BBS9: variants seen among roughly 807,000 people sequenced by gnomAD.
BBS9 encodes the protein Bardet-Biedl syndrome 9.
Under a neutral mutation model 117.7 loss-of-function variants are expected in BBS9, and 89 were observed. The ratio of observed to expected loss-of-function variants is 0.76; its 90% CI spans 0.64 to 0.90. The LOEUF is 0.90. Among genes scored for constraint, BBS9 ranks in the 40% least tolerant of loss-of-function variants. The probability of loss-of-function intolerance (pLI) is 0.00; values close to 1 mark genes in which losing one functional copy is unlikely to be tolerated. For synonymous variants in BBS9, 379 were observed against 370.9 expected (o/e 1.02, Z -0.25); for missense variants, 982 against 1,042.2 (o/e 0.94, Z 0.80).
intron 4 of BBS9, among the ~76,000 whole-genome samples, 189 bp downstream of exon 4, chr7:33,155,891 G>C (rs1352868881): frequency 2.0e-5 from 3 of 151,946 alleles, no homozygotes. Flanking sequence ...ACATTTTCAT[G>C]GTCTACTATT....
intron 9 of BBS9, among the ~76,000 whole-genome samples, chr7:33,291,612 T>C (rs1804062593): frequency 6.6e-6 from 1 of 152,116 alleles, no homozygotes; most frequent in East Asian, 1.9e-4. Flanking sequence ...GAACCTTGAG[T>C]TTTGGGAAAT....
intron 21 of BBS9, among the ~76,000 whole-genome samples, chr7:33,549,305 A>T (rs2129087263): frequency 7.6e-6 from 1 of 132,182 alleles, no homozygotes; most frequent in East Asian, 2.1e-4. Flanking sequence ...TAAACGTTAG[A>T]CCTAAAACCA....
chr7:33,477,350 T>C (rs916519106), intron 19 of BBS9, among the ~76,000 whole-genome samples: 4 of 152,230 alleles, frequency 2.6e-5, no homozygotes, highest in Admixed American at 6.5e-5. Flanking sequence ...CTATAGGAAA[T>C]AAGGGTGAAA....
chr7:33,276,742 G>A (rs1800850519), intron 9 of BBS9: 1 of 152,294 alleles, frequency 6.6e-6, no homozygotes, highest in Non-Finnish European at 1.5e-5. Flanking sequence ...TCCTGGGTAT[G>A]TGAATGAAAA....
chr7:33,445,139 C>T (rs1333164703), intron 19 of BBS9, among the ~76,000 whole-genome samples: 1 of 152,106 alleles, frequency 6.6e-6, no homozygotes, highest in African/African-American at 2.4e-5. Context: ...TTGATGGAAC[C>T]GGTCTCTCTT....
At chr7:33,453,564 C>G (rs771542405) in intron 19 of BBS9, among the ~76,000 whole-genome samples, 4 of 150,862 alleles carry the variant, frequency 2.7e-5, no homozygotes, top group Non-Finnish European at 5.9e-5. Context: ...TCTTGTTGCC[C>G]AGGCTGCAAT....
chr7:33,435,779 T>A (rs1835218071), intron 19 of BBS9, among the ~76,000 whole-genome samples: 1 of 144,574 alleles, frequency 6.9e-6, no homozygotes, highest in Non-Finnish European at 1.6e-5. Flanking sequence ...ATTCAGTTGG[T>A]TCCAGGAGGG....
chr7:33,388,209 A>G, intron 19 of BBS9, 65 bp downstream of exon 19: 4 of 1,546,116 alleles, frequency 2.6e-6, no homozygotes, highest in Non-Finnish European at 3.6e-6. Context: ...CCCTAGAGTC[A>G]TGTACCAGAA....
chr7:33,616,276 G>A (rs1434840241), intron 21 of BBS9, among the ~76,000 whole-genome samples: 3 of 150,490 alleles, frequency 2.0e-5, no homozygotes, highest in Non-Finnish European at 3.0e-5. Context: ...ATACATACAC[G>A]TAGTGAAATG....
chr7:33,521,570 G>A, intron 20 of BBS9, among the ~76,000 whole-genome samples: 1 of 152,018 alleles, frequency 6.6e-6, no homozygotes. Flanking sequence ...ATTACATGTG[G>A]AATTTTCTTC....
At chr7:33,403,416 T>G (rs1426801409) in intron 19 of BBS9, among the ~76,000 whole-genome samples, 1 of 150,816 alleles carries the variant, frequency 6.6e-6, no homozygotes, top group African/African-American at 2.4e-5. Context: ...CTGCACCCAT[T>G]AACTCGTCAT....
At chr7:33,206,722 G>GT (rs1219620386) in intron 5 of BBS9, among the ~76,000 whole-genome samples, 3 of 152,036 alleles carry the variant, frequency 2.0e-5, no homozygotes, top group Non-Finnish European at 4.4e-5. Flanking sequence ...TTTATCTACT[G>GT]TATCATCCAA....
At chr7:33,344,546 C>T in intron 11 of BBS9, 35 bp from the exon 12 acceptor site, 1 of 1,602,052 alleles carries the variant, frequency 6.2e-7, no homozygotes. Flanking sequence ...ATATTGACAT[C>T]ATTCTTTCTT....
intron 19 of BBS9, among the ~76,000 whole-genome samples, chr7:33,467,831 GA>G (rs1200759090): frequency 9.3e-6 from 1 of 107,280 alleles, no homozygotes; most frequent in Non-Finnish European, 2.3e-5. Flanking sequence ...CTGGTGAGGA[GA>G]AAATGTGACA....
chr7:33,571,136 G>T (rs184170689), intron 21 of BBS9, among the ~76,000 whole-genome samples: 10 of 152,084 alleles, frequency 6.6e-5, no homozygotes, highest in Non-Finnish European at 1.3e-4. Context: ...GAAACTCATT[G>T]TACTATTTTG....
At chr7:33,369,222 A>T (rs965404354) in intron 17 of BBS9, among the ~76,000 whole-genome samples, 10 of 152,178 alleles carry the variant, frequency 6.6e-5, no homozygotes, top group African/African-American at 2.4e-4. Context: ...AAACTAAAAA[A>T]GTTATGCCAA....
intron 5 of BBS9, among the ~76,000 whole-genome samples, chr7:33,211,833 G>T (rs1377413840): frequency 6.6e-6 from 1 of 152,084 alleles, no homozygotes; most frequent in African/African-American, 2.4e-5. Flanking sequence ...GGATATTTTT[G>T]CCAGACACAC....
At chr7:33,408,414 C>G (rs1367597622) in intron 19 of BBS9, among the ~76,000 whole-genome samples, 2 of 152,114 alleles carry the variant, frequency 1.3e-5, no homozygotes, top group Non-Finnish European at 2.9e-5. Flanking sequence ...CCTCACCCTG[C>G]TTTCGCTGGT....
intron 19 of BBS9, among the ~76,000 whole-genome samples, chr7:33,461,299 C>T (rs1272099181): frequency 6.6e-6 from 1 of 151,934 alleles, no homozygotes; most frequent in Non-Finnish European, 1.5e-5. Flanking sequence ...TTTTGAGGAA[C>T]AGCCAAGTGG....
Sources: allele counts gnomAD v4.1 joint callset (sites outside exome capture counted in the v4.1 genomes callset), GRCh38; gene constraint gnomAD v4.1.1; transcripts MANE v1.5; gene names NCBI Gene and HGNC (gene_info 2026-07-23, HGNC 2026-07-21).